FER1L6: variants seen among roughly 807,000 people sequenced by gnomAD.
FER1L6 encodes the protein fer-1 like family member 6, also known as fer-1-like protein 6.
In FER1L6, 177 loss-of-function variants were observed where a neutral mutation model predicts 219.2. The ratio of observed to expected loss-of-function variants is 0.81; its 90% CI spans 0.71 to 0.91. The LOEUF (loss-of-function observed/expected upper bound fraction) is 0.91, where lower values mean the gene tolerates loss of function less well. FER1L6 is among the 40% of genes least tolerant of loss of function. The pLI is 0.00. For missense variants in FER1L6, 2,153 were observed against 2,259.9 expected (o/e 0.95, Z 0.96); for synonymous variants, 768 against 824.3 (o/e 0.93, Z 1.17).
chr8:123,970,076 T>C lies in FER1L6; in HGVS notation c.426T>C (p.Phe142=). ...FDFIGPQVHL[F]DKIIKISVFH... ...TCATTGGGCCCCAAGTGCATCTTTTTGACAAGATCATCAAAATCTCCGTAA... is the reference window on the plus strand; with the variant it reads ...TCATTGGGCCCCAAGTGCATCTTTTCGACAAGATCATCAAAATCTCCGTAA... Residue 142 remains phenylalanine (F), a synonymous_variant, in exon 6 of 41, where the codon TTT becomes TTC. Transcript: ENST00000522917. The C allele has an allele frequency of 6.2e-7, 1 of 1,614,014 alleles. No homozygotes were observed. Among genetic ancestry groups the C allele is most frequent in the Non-Finnish European group, 8.5e-7 (1 of 1,179,928 alleles).
chr8:124,002,924 T>A (rs1258424933), intron 12 of FER1L6, among the ~76,000 whole-genome samples: 1 of 152,138 alleles, frequency 6.6e-6, no homozygotes, highest in Non-Finnish European at 1.5e-5. Context: ...GACTCTTTTT[T>A]TAGTTGATGG....
intron 1 of FER1L6, among the ~76,000 whole-genome samples, chr8:123,892,412 C>T (rs970323388): frequency 3.9e-5 from 6 of 152,004 alleles, no homozygotes; most frequent in Admixed American, 3.9e-4. Flanking sequence ...GTGTCTCAGC[C>T]CCGCAAGTAG....
At chr8:124,002,433 C>T (rs1045407864) in intron 12 of FER1L6, among the ~76,000 whole-genome samples, 1 of 152,178 alleles carries the variant, frequency 6.6e-6, no homozygotes, top group African/African-American at 2.4e-5. Context: ...TGATCCTGAA[C>T]CTTTCTTGAT....
At chr8:123,923,389 C>T (rs897148944) in intron 1 of FER1L6, among the ~76,000 whole-genome samples, 3 of 152,174 alleles carry the variant, frequency 2.0e-5, no homozygotes, top group African/African-American at 4.8e-5. Flanking sequence ...TTCTGTTGAA[C>T]TATATGAAAT....
chr8:123,958,756 G>T (rs1350920403), intron 2 of FER1L6, among the ~76,000 whole-genome samples: 1 of 151,816 alleles, frequency 6.6e-6, no homozygotes, highest in Non-Finnish European at 1.5e-5. Context: ...GAGTCTCTTA[G>T]TGCAGTCAGA....
chr8:123,957,503 G>A (rs1236835129), intron 2 of FER1L6, among the ~76,000 whole-genome samples: 12 of 152,104 alleles, frequency 7.9e-5, no homozygotes, highest in Non-Finnish European at 1.6e-4. Context: ...TATTTAATAA[G>A]TCTCTGCTGC....
At chr8:123,868,571 T>C (rs1382427403) in intron 1 of FER1L6, among the ~76,000 whole-genome samples, 1 of 152,188 alleles carries the variant, frequency 6.6e-6, no homozygotes, top group African/African-American at 2.4e-5. Context: ...GAAAAATGAT[T>C]TTCTGCTGCC....
chr8:123,867,654 C>A (rs1161963862), intron 1 of FER1L6, among the ~76,000 whole-genome samples: 1 of 152,178 alleles, frequency 6.6e-6, no homozygotes, highest in African/African-American at 2.4e-5. Context: ...GATTTACCTG[C>A]AAAATGCTCA....
At chr8:123,885,686 T>A (rs896045294) in intron 1 of FER1L6, among the ~76,000 whole-genome samples, 3 of 152,196 alleles carry the variant, frequency 2.0e-5, no homozygotes, top group Admixed American at 2.0e-4. Flanking sequence ...GCCAGACAGC[T>A]GTGGTTGTAA....
Position 123,944,249 on chromosome 8 carries a change from AT to A in FER1L6, c.-7-11740del, listed in dbSNP as rs1417661863. Reference sequence around the variant, plus strand: ...TAATGATAATAAAATTAATGAATATATTTGTTAGATATATTTAACAAATATA... The same window carrying A: ...TAATGATAATAAAATTAATGAATATATTGTTAGATATATTTAACAAATATA... On this transcript the variant is annotated intron_variant, in intron 1 of 40. Coordinates refer to ENST00000522917, the MANE Select transcript of FER1L6 (RefSeq NM_001039112.2). 2.1e-4 allele frequency among the ~76,000 whole-genome samples: 31 copies of A among 150,086 alleles called. No individual in the cohort carries two copies. In the East Asian group the frequency reaches 6.0e-3, roughly 29 times the overall value.
At chr8:123,934,724 C>T (rs543840977) in intron 1 of FER1L6, among the ~76,000 whole-genome samples, 141 of 152,186 alleles carry the variant, frequency 9.3e-4, no homozygotes, top group African/African-American at 3.3e-3. Flanking sequence ...TCTGTATTGC[C>T]ACACAAATCT....
At chr8:124,036,197 G>T (rs1819199060) in intron 19 of FER1L6, 1 of 152,184 alleles carries the variant, frequency 6.6e-6, no homozygotes, top group Non-Finnish European at 1.5e-5. Context: ...AAACACTGGA[G>T]AATTGTCTGT....
intron 19 of FER1L6, 33 bp from the exon 20 acceptor site, chr8:124,039,849 T>G (rs1253445626): frequency 1.2e-6 from 2 of 1,613,670 alleles, no homozygotes; most frequent in East Asian, 4.5e-5. Flanking sequence ...AAAAGCCCAC[T>G]AACACCTGCC....
At chr8:123,867,730 G>A (rs561731821) in intron 1 of FER1L6, among the ~76,000 whole-genome samples, 3 of 152,244 alleles carry the variant, frequency 2.0e-5, no homozygotes, top group East Asian at 1.9e-4. Context: ...ATATTTGCAC[G>A]TAGCTGTTTT....
In FER1L6 at chr8:124,012,807, C is replaced by T. The variant is rs1162942126; in HGVS notation, c.1822-624C>T. Among the ~76,000 whole-genome samples the T allele has an allele frequency of 1.3e-5, 2 of 152,206 alleles. 1 individual carries two copies. The highest frequency in any genetic ancestry group is 1.3e-4 in the Admixed American group (2 of 15,282). ...GGTAGAGAATATAGTTTCGTAAATT[C>T]TAGCAAAGGAGTAGTAACACATATA... On this transcript the variant is annotated intron_variant, in intron 14 of 40. Transcript: ENST00000522917.
intron 1 of FER1L6, among the ~76,000 whole-genome samples, chr8:123,954,414 C>G (rs1049462500): frequency 1.6e-4 from 25 of 152,056 alleles, no homozygotes; most frequent in African/African-American, 6.0e-4. Context: ...GATGTGGGAG[C>G]TCCTTAATTC....
chr8:124,081,643 C>T (rs1821559318), intron 32 of FER1L6, among the ~76,000 whole-genome samples: 1 of 146,658 alleles, frequency 6.8e-6, no homozygotes, highest in Non-Finnish European at 1.5e-5. Context: ...TCCCTATTCT[C>T]AAGGGGCTCA....
chr8:123,924,508 C>T (rs1813488719), intron 1 of FER1L6, among the ~76,000 whole-genome samples: 1 of 150,044 alleles, frequency 6.7e-6, no homozygotes, highest in South Asian at 2.1e-4. Flanking sequence ...TACTTCAGCC[C>T]GGGTAACGAG....
In FER1L6 at chr8:124,097,367, A is replaced by G. The variant is rs1031262927; in HGVS notation, c.4784+8A>G. On this transcript the variant is annotated splice_region_variant and intron_variant, in intron 36 of 40. Coordinates refer to ENST00000522917, the MANE Select transcript of FER1L6 (RefSeq NM_001039112.2). ...TCCAAGGCGACCCAAAGGGTATGTC[A>G]GCTGTAGCCCCAGCTTCAGGGGAAG... 5.6e-6 allele frequency: 9 copies of G among 1,595,054 alleles called. No homozygotes were observed. Among genetic ancestry groups the G allele is most frequent in the Non-Finnish European group, 6.9e-6 (8 of 1,164,484 alleles).
Sources: gnomAD v4.1 joint callset for allele counts (sites outside exome capture counted in the v4.1 genomes callset) on GRCh38, gnomAD v4.1.1 for gene constraint, MANE v1.5 for transcripts, NCBI Gene and HGNC (gene_info 2026-07-23, HGNC 2026-07-21) for gene names.